The following KCNG4 variants were observed in gnomAD, a reference collection of about 807,000 sequenced individuals.
KCNG4 encodes potassium voltage-gated channel modifier subfamily G member 4.
In KCNG4, 30 loss-of-function variants were observed where a neutral mutation model predicts 28.2. That is an observed-to-expected ratio of 1.06 (90% CI 0.80 to 1.44). The LOEUF (loss-of-function observed/expected upper bound fraction) is 1.44. Among genes scored for constraint, KCNG4 ranks in the 40% most tolerant of loss-of-function variants. The probability of loss-of-function intolerance (pLI) is 0.00; values close to 1 mark genes in which losing one functional copy is unlikely to be tolerated. For missense variants in KCNG4, 879 were observed against 712.3 expected (o/e 1.23, Z -2.66); for synonymous variants, 375 against 315.5 (o/e 1.19, Z -2.00).
chr16:84,231,300 C>A (rs772519687), intron 2 of KCNG4, among the ~76,000 whole-genome samples: 1 of 152,174 alleles, frequency 6.6e-6, no homozygotes, highest in East Asian at 1.9e-4. Context: ...GGGACTCAAC[C>A]CAGGACGAGC....
chr16:84,231,166 T>G (rs570456568), intron 2 of KCNG4, among the ~76,000 whole-genome samples: 3 of 152,334 alleles, frequency 2.0e-5, no homozygotes, highest in East Asian at 3.9e-4. Flanking sequence ...ATACAGGTTC[T>G]CGTTCAGTCC....
chr16:84,227,395 G>A (rs1445559494), intron 2 of KCNG4, among the ~76,000 whole-genome samples: 3 of 152,100 alleles, frequency 2.0e-5, no homozygotes, highest in Non-Finnish European at 4.4e-5. Flanking sequence ...TGGCCAACAT[G>A]GTAAAACCCC....
In KCNG4 at chr16:84,222,861, A is replaced by T. The variant is rs758685752; in HGVS notation, c.916T>A (p.Tyr306Asn). 6.2e-7 allele frequency: 1 copy of T among 1,612,452 alleles called. No individual in the cohort carries two copies. Among genetic ancestry groups the T allele is most frequent in the East Asian group, 2.2e-5 (1 of 44,804 alleles). ...TCAGACACCGCCAGCGACACGTAGT[A>T]TGGGGAGATGGCCAGGATGTCGATG... ...NIIDILAISP[Y>N]YVSLAVSEEP... Residue 306 changes from tyrosine (Y) to asparagine (N), a missense_variant, in exon 3 of 3, where the codon TAC (tyrosine) becomes AAC (asparagine). Physicochemically the swap from Tyr to Asn is moderately radical, Grantham distance 143 (BLOSUM62 -2). Transcript: ENST00000308251.
At chr16:84,228,989 A>C (rs1013856282) in intron 2 of KCNG4, among the ~76,000 whole-genome samples, 1 of 152,304 alleles carries the variant, frequency 6.6e-6, no homozygotes, top group Middle Eastern at 3.4e-3. Flanking sequence ...GGTTCCAGCA[A>C]ATTCTTACTA....
chr16:84,220,265 C>T lies in KCNG4; in HGVS notation c.*1952G>A. ...CTTTCCTTGTGTCATGGCCACTGAA[C>T]CACTATGTCACCTGGTGACATGTCA... is the stretch of plus-strand genomic sequence containing the variant. On this transcript the variant is annotated 3_prime_UTR_variant, in exon 3 of 3. Transcript: ENST00000308251. The T allele has an allele frequency of 6.6e-6, 1 of 152,084 alleles. No homozygotes were observed. The highest frequency in any genetic ancestry group is 1.9e-4 in the East Asian group (1 of 5,184). The allele number at this position is 152,084 out of a possible 1,614,324, so 9.4% of individuals were successfully genotyped here.
At chr16:84,223,445 C>G (rs565077432) in intron 2 of KCNG4, among the ~76,000 whole-genome samples, 4 of 152,202 alleles carry the variant, frequency 2.6e-5, no homozygotes, top group Admixed American at 1.3e-4. Context: ...GTTGTCGATA[C>G]TCACCTACAT....
At chr16:84,236,114 A>AGGGAAACTGAGGCC (rs1380265641) in intron 2 of KCNG4, 1 of 152,506 alleles carries the variant, frequency 6.6e-6, no homozygotes, top group Non-Finnish European at 1.5e-5. Context: ...TGAGCACTGC[A>AGGGAAACTGAGGCC]GGGAAACTGA....
chr16:84,234,533 T>C (rs530864262), intron 2 of KCNG4, among the ~76,000 whole-genome samples: 95 of 152,332 alleles, frequency 6.2e-4, no homozygotes, highest in African/African-American at 2.2e-3. Context: ...ATCAGGTTTA[T>C]GCCAACGGAC....
At chr16:84,239,247 T>C (rs949657967) in intron 1 of KCNG4, among the ~76,000 whole-genome samples, 3 of 152,234 alleles carry the variant, frequency 2.0e-5, no homozygotes, top group Admixed American at 2.0e-4. Flanking sequence ...TTGCTCTGAA[T>C]GCATTACTTT....
At position 84,237,443 on chromosome 16, in the gene KCNG4, GGTGTCTGGGATGCAGGCCCCC is replaced by G; in HGVS notation, c.22_42del (p.Gly8_His14del). ...CAAGGGCTGTGGGAACCATAGTGGT[GGTGTCTGGGATGCAGGCCCCC>G]GTCTCTGGAAGGCATGGGCATTGCT... On this transcript the variant is annotated inframe_deletion, in exon 2 of 3. Coordinates refer to ENST00000308251, the MANE Select transcript of KCNG4 (RefSeq NM_172347.3). 2 of 1,508,440 alleles carry G rather than the reference GGTGTCTGGGATGCAGGCCCCC, an allele frequency of 1.3e-6. No individual in the cohort carries two copies. The highest frequency in any genetic ancestry group is 1.8e-6 in the Non-Finnish European group (2 of 1,129,452). The allele number at this position is 1,508,440 out of a possible 1,614,324, so 93.4% of individuals were successfully genotyped here. A position where few individuals can be genotyped will look rare whatever the true frequency, so the allele number is the denominator to read the frequency against.
intron 2 of KCNG4, among the ~76,000 whole-genome samples, chr16:84,232,200 T>C (rs1203575800): frequency 1.3e-5 from 2 of 152,094 alleles, no homozygotes; most frequent in African/African-American, 2.4e-5. Context: ...CAGTGCTAGA[T>C]GGATAAACCA....
chr16:84,236,972 G>C lies in KCNG4; in HGVS notation c.514C>G (p.Leu172Val). Reference protein sequence around the residue: ...LRKLLRKLEELEELAKLHRED... With the variant: ...LRKLLRKLEEVEELAKLHRED... ...CTGTGCAGCTTGGCCAGCTCCTCCA[G>C]CTCCTCCAGCTTCCTCAGCAGCTTC... The change falls in exon 2 of 3, where the codon CTG becomes GTG. Residue 172 changes from leucine to valine, a missense_variant. Coordinates refer to ENST00000308251, the MANE Select transcript of KCNG4 (RefSeq NM_172347.3). 1 of 1,613,774 alleles carries C rather than the reference G, an allele frequency of 6.2e-7. No homozygotes were observed. Among genetic ancestry groups the C allele is most frequent in the Non-Finnish European group, 8.5e-7 (1 of 1,180,030 alleles).
chr16:84,227,687 T>C (rs1203354204), intron 2 of KCNG4, among the ~76,000 whole-genome samples: 1 of 152,122 alleles, frequency 6.6e-6, no homozygotes, highest in African/African-American at 2.4e-5. Context: ...CATAAACTGA[T>C]GAGTGAATAC....
intron 2 of KCNG4, chr16:84,235,843 A>G (rs2151340039): frequency 6.6e-6 from 1 of 152,284 alleles, no homozygotes; most frequent in South Asian, 2.1e-4. Flanking sequence ...GAGAGGAGTG[A>G]TTTTTTAAAT....
intron 2 of KCNG4, 150 bp from the exon 3 acceptor site, chr16:84,223,170 G>C (rs1359894109): frequency 3.0e-6 from 2 of 665,026 alleles, no homozygotes; most frequent in African/African-American, 3.7e-5. Flanking sequence ...GTTGTGGCTG[G>C]GTACACAGCA....
intron 1 of KCNG4, among the ~76,000 whole-genome samples, chr16:84,238,685 C>G (rs2151341730): frequency 6.6e-6 from 1 of 152,208 alleles, no homozygotes; most frequent in Admixed American, 6.5e-5. Flanking sequence ...CCAGCCTGGC[C>G]AATGAAACCC....
intron 2 of KCNG4, among the ~76,000 whole-genome samples, chr16:84,224,604 T>C (rs1290688294): frequency 6.6e-6 from 1 of 152,240 alleles, no homozygotes; most frequent in Non-Finnish European, 1.5e-5. Context: ...ATGTTCTTTA[T>C]GCCTGGCTGC....
intron 2 of KCNG4, among the ~76,000 whole-genome samples, chr16:84,228,791 G>A (rs1434389184): frequency 6.6e-6 from 1 of 152,248 alleles, no homozygotes; most frequent in East Asian, 1.9e-4. Context: ...CCCACAGGGC[G>A]ATTGTGGGCA....
chr16:84,222,825 C>G lies in KCNG4; in HGVS notation c.952G>C (p.Glu318Gln). Residue 318 changes from glutamate (E) to glutamine (Q), a missense_variant, in exon 3 of 3, where the codon GAG becomes CAG. Coordinates refer to ENST00000308251, the MANE Select transcript of KCNG4 (RefSeq NM_172347.3). ...VSLAVSEEPP[E>Q]DGERPSGSSY... is the part of the protein sequence containing the mutation. ...CTCCCGCTCGGCCTCTCGCCGTCCT[C>G]CGGGGGCTCCTCAGACACCGCCAGC... 6.2e-7 allele frequency: 1 copy of G among 1,610,270 alleles called. No individual in the cohort carries two copies. The highest frequency in any genetic ancestry group is 8.5e-7 in the Non-Finnish European group (1 of 1,177,108).
Sources: gnomAD v4.1 joint callset for allele counts (sites outside exome capture counted in the v4.1 genomes callset) on GRCh38, gnomAD v4.1.1 for gene constraint, MANE v1.5 for transcripts, NCBI Gene and HGNC (gene_info 2026-07-23, HGNC 2026-07-21) for gene names.